The following EVL variants were observed in gnomAD, a reference collection of about 807,000 sequenced individuals.
The protein encoded by EVL is Enah/Vasp-like.
A neutral mutation model predicts 59.6 loss-of-function variants in EVL; 21 were observed. That is an observed-to-expected ratio of 0.35 (90% CI 0.25 to 0.51). The LOEUF is 0.51. EVL is among the 20% of genes least tolerant of loss of function. The pLI is 0.97. For missense variants in EVL, 462 were observed against 546.6 expected, an observed-to-expected ratio of 0.85 and a Z score of 1.54; for synonymous variants, 198 against 203.5, an observed-to-expected ratio of 0.97 and a Z score of 0.23.
rs1595236347 is a variant in EVL, at chr14:100,129,217, A to G, written c.718-346A>G. Among the ~76,000 whole-genome samples the G allele has an allele frequency of 3.9e-5, 6 of 152,206 alleles. No homozygotes were observed. The Middle Eastern group carries it at 0.014, about 345-fold the overall frequency. On this transcript the variant is annotated intron_variant, in intron 6 of 13. Transcript: ENST00000392920. ...GCTTGTAAGAATAGCTCTAATACAGACCTTTGGCTTACATTGTGTTTCCTT... is the reference window on the plus strand; with the variant it reads ...GCTTGTAAGAATAGCTCTAATACAGGCCTTTGGCTTACATTGTGTTTCCTT...
intron 2 of EVL, 144 bp from the exon 3 acceptor site, chr14:100,097,337 C>T (rs1885885179): frequency 4.4e-6 from 3 of 679,742 alleles, no homozygotes; most frequent in East Asian, 2.9e-5. Flanking sequence ...TGAAAGTCTA[C>T]CTGATATTGC....
chr14:100,126,830 C>CT, intron 5 of EVL, 59 bp downstream of exon 5: 1 of 1,552,718 alleles, frequency 6.4e-7, no homozygotes, highest in Non-Finnish European at 8.8e-7. Flanking sequence ...GCAGCCCCTC[C>CT]ACGTAGATGA....
At chr14:100,139,201 G>GT (rs1290988548) in intron 11 of EVL, 3 of 152,252 alleles carry the variant, frequency 2.0e-5, no homozygotes, top group Non-Finnish European at 4.4e-5. Context: ...CGTCCTGCTG[G>GT]TGGAGCAAAG....
intron 6 of EVL, 116 bp from the exon 7 acceptor site, chr14:100,129,447 C>G (rs927944195): frequency 6.9e-7 from 1 of 1,456,766 alleles, no homozygotes; most frequent in African/African-American, 1.4e-5. Context: ...AGGCCCCTTG[C>G]AGTGCTGCTG....
Position 99,972,106 on chromosome 14 carries a change from A to C in EVL, c.5+49A>C. ...GGGAGGTGGCAGCGGCCAGCGTCGG[A>C]GGGGCTGGGCTGGGGGCCCGCGGTG... On this transcript the variant is annotated intron_variant, in intron 1 of 13. Transcript: ENST00000402714. This position sits in a 1 kb window ranked among gnomAD's most constrained non-coding sequence, Gnocchi z 4.4. 6.8e-6 allele frequency: 2 copies of C among 293,630 alleles called. No individual in the cohort carries two copies. Among genetic ancestry groups the C allele is most frequent in the Non-Finnish European group, 1.3e-5 (2 of 159,482 alleles). 18.2% of individuals were successfully genotyped at this position (293,630 alleles called of 1,614,324 possible).
At chr14:100,121,599 T>C (rs1211762951) in intron 3 of EVL, among the ~76,000 whole-genome samples, 1 of 152,198 alleles carries the variant, frequency 6.6e-6, no homozygotes, top group Non-Finnish European at 1.5e-5. Flanking sequence ...AATCAGGTCT[T>C]AGGTGCAGGG....
intron 1 of EVL, among the ~76,000 whole-genome samples, chr14:100,075,702 G>C (rs1285223622): frequency 6.6e-6 from 1 of 152,152 alleles, no homozygotes; most frequent in East Asian, 1.9e-4. Context: ...CTGTCCTGAC[G>C]GCTTGAAAGT....
At chr14:99,975,840 C>T (rs930697081) in intron 1 of EVL, among the ~76,000 whole-genome samples, 1 of 152,102 alleles carries the variant, frequency 6.6e-6, no homozygotes, top group African/African-American at 2.4e-5. Flanking sequence ...TTCCATTTCA[C>T]TATATCTTCT....
intron 1 of EVL, among the ~76,000 whole-genome samples, chr14:100,083,996 G>T (rs540923271): frequency 6.6e-6 from 1 of 151,302 alleles, no homozygotes; most frequent in East Asian, 1.9e-4. Flanking sequence ...GTAATAAATA[G>T]CTGCTTCATA....
intron 1 of EVL, 67 bp from the exon 2 acceptor site, chr14:100,084,620 G>C (rs1447516128): frequency 1.3e-6 from 2 of 1,551,840 alleles, no homozygotes; most frequent in East Asian, 2.3e-5. Flanking sequence ...CTCTATTTCA[G>C]AAAAGGGCAA....
chr14:100,003,938 C>G (rs2140186919), intron 1 of EVL, among the ~76,000 whole-genome samples: 1 of 152,308 alleles, frequency 6.6e-6, no homozygotes, highest in Admixed American at 6.5e-5. Context: ...GATGCGGTGG[C>G]TCACACCTAT....
chr14:100,139,957 C>T lies in EVL; in HGVS notation c.1095-1223C>T, dbSNP rs553393405. On this transcript the variant is annotated intron_variant, in intron 11 of 13. Coordinates refer to ENST00000392920, the MANE Select transcript of EVL (RefSeq NM_016337.3). Reference sequence around the variant, plus strand: ...TTCCAGGGAAGATGCATGTGTGACACATTAACATTCAAATCAGGCCAGCGC... The same window carrying T: ...TTCCAGGGAAGATGCATGTGTGACATATTAACATTCAAATCAGGCCAGCGC... 5 of 152,356 alleles carry T rather than the reference C, an allele frequency of 3.3e-5. No individual in the cohort carries two copies. The East Asian group carries it at 9.6e-4, about 29-fold the overall frequency. 9.4% of individuals were successfully genotyped at this position (152,356 alleles called of 1,614,324 possible). A position where few individuals can be genotyped will look rare whatever the true frequency, so the allele number is the denominator to read the frequency against.
At chr14:100,119,129 C>G (rs986129091) in intron 3 of EVL, among the ~76,000 whole-genome samples, 4 of 152,268 alleles carry the variant, frequency 2.6e-5, no homozygotes, top group African/African-American at 7.2e-5. Flanking sequence ...CCACCCTGCT[C>G]TTGTTTGATG....
At chr14:99,979,086 G>C (rs2060789417) in intron 1 of EVL, among the ~76,000 whole-genome samples, 1 of 151,340 alleles carries the variant, frequency 6.6e-6, no homozygotes, top group African/African-American at 2.4e-5. Context: ...TTTTTTGAAG[G>C]CTTACTGTTG....
At chr14:100,134,072 G>A (rs1359729020) in intron 8 of EVL, among the ~76,000 whole-genome samples, 3 of 152,196 alleles carry the variant, frequency 2.0e-5, no homozygotes, top group African/African-American at 7.2e-5. Flanking sequence ...GTGGAGACTC[G>A]TTGTCTCCTG....
At chr14:99,982,199 A>G (rs373862303) in intron 1 of EVL, among the ~76,000 whole-genome samples, 2 of 152,366 alleles carry the variant, frequency 1.3e-5, no homozygotes, top group Middle Eastern at 3.4e-3. Flanking sequence ...CATTTTTACA[A>G]AATTGAAAGT....
intron 1 of EVL, among the ~76,000 whole-genome samples, chr14:100,026,252 A>G (rs1481834971): frequency 6.6e-6 from 1 of 151,490 alleles, no homozygotes; most frequent in South Asian, 2.1e-4. Context: ...ACAAAAAAAA[A>G]ACACAACACT....
intron 1 of EVL, among the ~76,000 whole-genome samples, chr14:100,072,107 T>G (rs1395934767): frequency 6.6e-6 from 1 of 152,204 alleles, no homozygotes; most frequent in Non-Finnish European, 1.5e-5. Context: ...GAAAAATTTT[T>G]AAATAGTTTC....
At chr14:100,060,258 G>A (rs1009319132) in intron 1 of EVL, among the ~76,000 whole-genome samples, 5 of 151,712 alleles carry the variant, frequency 3.3e-5, no homozygotes, top group Non-Finnish European at 7.4e-5. Flanking sequence ...GTGAAACCCC[G>A]TCTCTACTAA....
Sources: allele counts gnomAD v4.1 joint callset (sites outside exome capture counted in the v4.1 genomes callset), GRCh38; gene constraint gnomAD v4.1.1; non-coding constraint Gnocchi (gnomAD v3.1); transcripts MANE v1.5; gene names NCBI Gene and HGNC (gene_info 2026-07-23, HGNC 2026-07-21).